SASH1: variants seen among roughly 807,000 people sequenced by gnomAD.
SASH1 encodes the protein SAM and SH3 domain containing 1, also known as SAM and SH3 domain-containing protein 1.
SASH1 carries 44 observed loss-of-function variants against 125.2 expected under a neutral mutation model. That is an observed-to-expected ratio of 0.35 (90% CI 0.28 to 0.45). The LOEUF (loss-of-function observed/expected upper bound fraction) is 0.45. Among genes scored for constraint, SASH1 ranks in the 20% least tolerant of loss-of-function variants. The pLI, the probability that SASH1 is intolerant of heterozygous loss-of-function variation, is 1.00. For missense variants in SASH1, 1,426 were observed against 1,614.5 expected, an observed-to-expected ratio of 0.88 and a Z score of 2.00; for synonymous variants, 639 against 649.1, an observed-to-expected ratio of 0.98 and a Z score of 0.24.
At chr6:148,540,371 C>G in intron 16 of SASH1, 72 bp from the exon 17 acceptor site, 1 of 1,164,402 alleles carries the variant, frequency 8.6e-7, no homozygotes, top group South Asian at 1.3e-5. Flanking sequence ...AGGATAAAGT[C>G]GAGATCTGTT....
At chr6:148,346,744 T>C (rs1448287913) in intron 1 of SASH1, among the ~76,000 whole-genome samples, 2 of 152,256 alleles carry the variant, frequency 1.3e-5, no homozygotes, top group African/African-American at 4.8e-5. Context: ...TGGCTGAAAC[T>C]GCATTTTGGG....
chr6:148,336,816 A>G (rs1000037541), intron 1 of SASH1, among the ~76,000 whole-genome samples: 3 of 152,180 alleles, frequency 2.0e-5, no homozygotes, highest in Non-Finnish European at 4.4e-5. Flanking sequence ...AGCTCAAGTT[A>G]AGTTTTCCTT....
At chr6:148,398,050 C>T (rs1022320308) in intron 2 of SASH1, among the ~76,000 whole-genome samples, 3 of 151,922 alleles carry the variant, frequency 2.0e-5, no homozygotes, top group African/African-American at 4.8e-5. Context: ...AGGTGTGGAC[C>T]GTGGGGAGTA....
At chr6:148,387,644 CTTTCTTTCT>C (rs1783502296) in intron 1 of SASH1, among the ~76,000 whole-genome samples, 1 of 44,402 alleles carries the variant, frequency 2.3e-5, no homozygotes, top group Non-Finnish European at 4.7e-5. Context: ...TTCTTTCTTT[CTTTCTTTCT>C]TTCTTTCTTT....
At chr6:148,244,306 G>A in the SASH1 span, among the ~76,000 whole-genome samples, 22,957 of 151,968 alleles carry the variant, frequency 0.15, 1,983 homozygotes, top group East Asian at 0.35. Flanking sequence ...CTTCAAACAC[G>A]TATATTCCTT....
the SASH1 span, among the ~76,000 whole-genome samples, chr6:148,216,395 T>C: frequency 6.6e-6 from 1 of 152,222 alleles, no homozygotes; most frequent in Non-Finnish European, 1.5e-5. Context: ...TTAATATTTA[T>C]TTATTTTGGT....
intron 1 of SASH1, among the ~76,000 whole-genome samples, chr6:148,326,380 T>TATATATA (rs1780825558): frequency 1.8e-4 from 8 of 44,428 alleles, no homozygotes; most frequent in African/African-American, 7.1e-4. Flanking sequence ...ATATACATTC[T>TATATATA]TTTCTTTTCT....
chr6:148,452,834 C>G (rs1000882600), intron 4 of SASH1, among the ~76,000 whole-genome samples: 1 of 152,182 alleles, frequency 6.6e-6, no homozygotes, highest in Non-Finnish European at 1.5e-5. Context: ...CTAAAATATG[C>G]CCTTCCCACA....
chr6:148,268,110 T>C (rs1175250280), upstream of SASH1, among the ~76,000 whole-genome samples: 5 of 152,232 alleles, frequency 3.3e-5, no homozygotes, highest in Non-Finnish European at 7.3e-5. Context: ...AACTTTCTAG[T>C]TCAGGAAATT....
intron 7 of SASH1, among the ~76,000 whole-genome samples, chr6:148,474,803 C>T (rs1168304250): frequency 7.2e-5 from 11 of 152,256 alleles, no homozygotes; most frequent in Admixed American, 5.9e-4. Flanking sequence ...AACCCGTGGG[C>T]TCAAGTGATC....
intron 2 of SASH1, among the ~76,000 whole-genome samples, chr6:148,421,211 A>AAG (rs1478294986): frequency 7.2e-6 from 1 of 138,166 alleles, no homozygotes. Flanking sequence ...GAAAGAAAGA[A>AAG]AGAAAAAGAA....
intron 7 of SASH1, among the ~76,000 whole-genome samples, chr6:148,481,186 C>T (rs777462564): frequency 4.0e-5 from 6 of 151,852 alleles, no homozygotes; most frequent in Non-Finnish European, 7.4e-5. Context: ...AAAATAGTTT[C>T]TGGATTTAAT....
intron 1 of SASH1, among the ~76,000 whole-genome samples, chr6:148,355,979 G>A (rs576919597): frequency 6.4e-4 from 98 of 151,960 alleles, no homozygotes; most frequent in Non-Finnish European, 1.1e-3. Context: ...CATCACTTGA[G>A]GAGTGTACAC....
At chr6:148,193,702 G>A in the SASH1 span, among the ~76,000 whole-genome samples, 3 of 152,234 alleles carry the variant, frequency 2.0e-5, no homozygotes, top group Admixed American at 6.5e-5. Flanking sequence ...AAAATAAGAT[G>A]AAAGGGGAAT....
intron 1 of SASH1, among the ~76,000 whole-genome samples, chr6:148,314,050 G>A (rs1247324006): frequency 9.3e-5 from 14 of 150,560 alleles, no homozygotes; most frequent in East Asian, 1.9e-4. Flanking sequence ...AAGCTTTTGC[G>A]TCTCAGACAT....
the SASH1 span, among the ~76,000 whole-genome samples, chr6:148,246,006 GA>G: frequency 4.7e-5 from 7 of 149,964 alleles, no homozygotes; most frequent in South Asian, 2.1e-4. Flanking sequence ...AAAAGAAAAA[GA>G]AAAAAAAAGA....
intron 1 of SASH1, among the ~76,000 whole-genome samples, chr6:148,313,943 C>T (rs981150368): frequency 6.6e-6 from 1 of 152,184 alleles, no homozygotes; most frequent in Non-Finnish European, 1.5e-5. Context: ...AACAAGGAAA[C>T]CTTGTTCCTC....
chr6:148,235,749 G>A, the SASH1 span, among the ~76,000 whole-genome samples: 3 of 152,106 alleles, frequency 2.0e-5, no homozygotes. Flanking sequence ...GAAGTCTTGC[G>A]AGTTAAGACC....
intron 8 of SASH1, among the ~76,000 whole-genome samples, chr6:148,511,908 T>G (rs1780159838): frequency 6.6e-6 from 1 of 152,194 alleles, no homozygotes; most frequent in Non-Finnish European, 1.5e-5. Context: ...AAACTAGGTA[T>G]GAGGTATACA....
Sources: allele counts gnomAD v4.1 joint callset (sites outside exome capture counted in the v4.1 genomes callset), GRCh38; gene constraint gnomAD v4.1.1; transcripts MANE v1.5; gene names NCBI Gene and HGNC (gene_info 2026-07-23, HGNC 2026-07-21).